Variants in DPP6 observed in about 807,000 individuals in gnomAD.
The protein encoded by DPP6 is dipeptidyl peptidase like 6, also known as A-type potassium channel modulatory protein DPP6.
A neutral mutation model predicts 122.6 loss-of-function variants in DPP6; 69 were observed. The ratio of observed to expected loss-of-function variants is 0.56; its 90% CI spans 0.46 to 0.69. The LOEUF (loss-of-function observed/expected upper bound fraction) is 0.69. Among genes scored for constraint, DPP6 ranks in the 30% least tolerant of loss-of-function variants. DPP6 has a pLI of 0.00. For synonymous variants in DPP6, 418 were observed against 433.1 expected (o/e 0.97, Z 0.43); for missense variants, 928 against 1,116.9 (o/e 0.83, Z 2.41).
chr7:153,781,076 G>A, the DPP6 span, among the ~76,000 whole-genome samples: 30 of 152,302 alleles, frequency 2.0e-4, no homozygotes, highest in African/African-American at 5.1e-4. Context: ...GGACTGGACC[G>A]TTTTAGTCAC....
chr7:154,510,088 G>A (rs998598937), intron 3 of DPP6, among the ~76,000 whole-genome samples: 1 of 152,108 alleles, frequency 6.6e-6, no homozygotes, highest in African/African-American at 2.4e-5. Flanking sequence ...GAATTGTATG[G>A]TGCGAATTCT....
chr7:154,746,879 T>C (rs1333258324), intron 8 of DPP6, among the ~76,000 whole-genome samples: 3 of 152,150 alleles, frequency 2.0e-5, no homozygotes, highest in African/African-American at 7.2e-5. Context: ...CCTAAGAGGA[T>C]AGAAAATAAG....
chr7:154,240,524 T>G (rs866410899), intron 1 of DPP6, among the ~76,000 whole-genome samples: 67 of 151,992 alleles, frequency 4.4e-4, no homozygotes, highest in African/African-American at 1.6e-3. Context: ...CAAGAAAGAG[T>G]GAAATAACTG....
intron 1 of DPP6, among the ~76,000 whole-genome samples, chr7:154,280,674 T>C (rs1030389648): frequency 6.6e-6 from 1 of 152,176 alleles, no homozygotes; most frequent in African/African-American, 2.4e-5. Context: ...TAAGAACATA[T>C]TTGCAGGCTA....
chr7:154,540,721 G>A (rs2130253462), intron 4 of DPP6, 95 bp downstream of exon 4: 1 of 723,804 alleles, frequency 1.4e-6, no homozygotes, highest in South Asian at 1.8e-5. Context: ...TTTTAGCATA[G>A]CCAAGGAGAA....
the DPP6 span, among the ~76,000 whole-genome samples, chr7:153,838,280 C>G: frequency 1.3e-5 from 2 of 152,074 alleles, no homozygotes; most frequent in Non-Finnish European, 1.5e-5. Flanking sequence ...GAGTCCACAG[C>G]CACAAACCCA....
the DPP6 span, among the ~76,000 whole-genome samples, chr7:153,771,021 A>G: frequency 6.6e-6 from 1 of 152,220 alleles, no homozygotes; most frequent in African/African-American, 2.4e-5. Flanking sequence ...AAAGTATGAT[A>G]GAGATTTGAG....
chr7:153,791,736 T>G, the DPP6 span, among the ~76,000 whole-genome samples: 1 of 152,234 alleles, frequency 6.6e-6, no homozygotes, highest in Admixed American at 6.5e-5. Flanking sequence ...TCATTTTCAA[T>G]GCTATATATA....
chr7:154,609,480 A>C (rs775857377), intron 5 of DPP6, among the ~76,000 whole-genome samples: 13 of 152,076 alleles, frequency 8.5e-5, no homozygotes, highest in Non-Finnish European at 1.9e-4. Context: ...GTATTTGTTT[A>C]CTCTTTTGTG....
At chr7:154,147,464 TCCTTCCTTCCTTCCTTCCTTCCTTC>T (rs1796154564) in intron 1 of DPP6, among the ~76,000 whole-genome samples, 2 of 148,476 alleles carry the variant, frequency 1.3e-5, no homozygotes, top group African/African-American at 5.2e-5. Context: ...CTTCCTTCCT[TCCTTCCTTCCTTCCTTCCTTCCTTC>T]CTTTCTTTTT....
intron 3 of DPP6, among the ~76,000 whole-genome samples, chr7:154,501,221 T>C (rs553667768): frequency 2.0e-5 from 3 of 151,074 alleles, no homozygotes; most frequent in Admixed American, 6.7e-5. Flanking sequence ...GCATGAAAGT[T>C]TGGACAATTT....
At chr7:154,685,931 CA>C (rs1017572263) in intron 7 of DPP6, among the ~76,000 whole-genome samples, 12 of 152,166 alleles carry the variant, frequency 7.9e-5, no homozygotes, top group Non-Finnish European at 1.8e-4. Context: ...TTCCCCCCAT[CA>C]AACCTATAAA....
At chr7:153,808,003 C>T in the DPP6 span, among the ~76,000 whole-genome samples, 3 of 151,998 alleles carry the variant, frequency 2.0e-5, no homozygotes, top group East Asian at 5.8e-4. Context: ...GGAAGCAGAG[C>T]TCCTTCTGAA....
At chr7:153,955,108 G>A (rs1027088594) in intron 1 of DPP6, among the ~76,000 whole-genome samples, 1 of 152,100 alleles carries the variant, frequency 6.6e-6, no homozygotes, top group Non-Finnish European at 1.5e-5. Flanking sequence ...TTTTAACAGG[G>A]CATCATCAAG....
At chr7:154,053,890 C>T (rs1042671231) in intron 1 of DPP6, among the ~76,000 whole-genome samples, 13 of 147,372 alleles carry the variant, frequency 8.8e-5, no homozygotes, top group African/African-American at 2.8e-4. Context: ...GGACAGGAGC[C>T]GGACCTTAGA....
chr7:154,556,084 T>G (rs1830017692), intron 4 of DPP6, among the ~76,000 whole-genome samples: 1 of 152,216 alleles, frequency 6.6e-6, no homozygotes, highest in African/African-American at 2.4e-5. Context: ...TAATGTATAC[T>G]CTTTTACCTG....
intron 1 of DPP6, among the ~76,000 whole-genome samples, chr7:154,006,213 T>C (rs988721084): frequency 2.0e-5 from 3 of 152,142 alleles, no homozygotes; most frequent in Admixed American, 1.3e-4. Flanking sequence ...TGAGAACAGA[T>C]AAACAGTAAC....
intron 1 of DPP6, among the ~76,000 whole-genome samples, chr7:154,098,718 C>G (rs1334533133): frequency 7.4e-6 from 1 of 135,166 alleles, no homozygotes; most frequent in Non-Finnish European, 1.6e-5. Context: ...ATTTCAGGAT[C>G]CAAGTCAAGA....
rs78612250 is a variant in DPP6, at chr7:154,216,019, C to T, written c.243+162956C>T. ...GCCCAGTGAACAGCTGCATTCTGGT[C>T]GGTCCTCTTTTTCCCTTCCTCTGCC... On this transcript the variant is annotated intron_variant, in intron 1 of 25. Transcript: ENST00000377770. Among the ~76,000 whole-genome samples the T allele has an allele frequency of 2.9e-3, 442 of 152,174 alleles. 3 individuals carry two copies. The highest frequency in any genetic ancestry group is 0.01 in the African/African-American group (418 of 41,520).
Sources: gnomAD v4.1 joint callset for allele counts (sites outside exome capture counted in the v4.1 genomes callset) on GRCh38, gnomAD v4.1.1 for gene constraint, MANE v1.5 for transcripts, NCBI Gene and HGNC (gene_info 2026-07-23, HGNC 2026-07-21) for gene names.